The following TTN variants were observed in gnomAD, a reference collection of about 807,000 sequenced individuals.
TTN encodes the protein titin.
A neutral mutation model predicts 3,223.0 loss-of-function variants in TTN; 1,525 were observed. The observed-to-expected ratio is 0.47, with a 90% CI of 0.45 to 0.49. TTN has a LOEUF of 0.49. TTN is among the 20% of genes least tolerant of loss of function. TTN has a pLI of 0.00. For missense variants in TTN, 40,786 were observed against 43,424.0 expected, an observed-to-expected ratio of 0.94 and a Z score of 5.40; for synonymous variants, 14,094 against 15,161.0, an observed-to-expected ratio of 0.93 and a Z score of 5.17.
chr2:178,614,014 G>A (rs748134216), intron 262 of TTN, 38 bp downstream of exon 262: 22 of 1,609,364 alleles, frequency 1.4e-5, no homozygotes, highest in Non-Finnish European at 1.9e-5. Flanking sequence ...TTTGACATAA[G>A]CATCCTTTTT....
rs79926414 is a variant in TTN at position 178,565,497 on chromosome 2, G to T, written c.80635C>A (p.Gln26879Lys). The T allele has an allele frequency of 2.7e-3, 4,308 of 1,613,330 alleles. 106 individuals are homozygous for T. In the African/African-American group the frequency reaches 0.05, roughly 19 times the overall value. Residue 26879 changes from glutamine (Q) to lysine (K), a missense_variant, in exon 326 of 363, where the codon CAG (glutamine) becomes AAG (lysine). Physicochemically the swap from Gln to Lys is moderately conservative, Grantham distance 53. Transcript: ENST00000589042. Reference sequence around the variant, plus strand: ...TTAAATGGTAACTTTAAACTAGGCTGTATAGTCAAGTCCTTGGCTATGACA... The same window carrying T: ...TTAAATGGTAACTTTAAACTAGGCTTTATAGTCAAGTCCTTGGCTATGACA... Reference protein sequence around the residue: ...VPVIAKDLTIQPSLKLPFNTY... With the variant: ...VPVIAKDLTIKPSLKLPFNTY...
In TTN at chr2:178,746,718, T is replaced by C. The variant is rs780327641; in HGVS notation, c.11312-4797A>G. 17 of 1,613,372 alleles carry C rather than the reference T, an allele frequency of 1.1e-5. No homozygotes were observed. The African/African-American group carries it at 1.7e-4, about 16-fold the overall frequency. ...TTACCCACTCTTTCCATTTTGATTC[T>C]TTCATCTGGCTCTAGTAAAGATTTA... is the stretch of plus-strand genomic sequence containing the variant. On this transcript the variant is annotated intron_variant, in intron 47 of 362. Transcript: ENST00000589042.
Position 178,552,936 on chromosome 2 carries a change from A to G in TTN, c.89964T>C (p.Ser29988=), listed in dbSNP as rs1553540821. The G allele has an allele frequency of 6.2e-7, 1 of 1,613,764 alleles. No homozygotes were observed. Among genetic ancestry groups the G allele is most frequent in the Non-Finnish European group, 8.5e-7 (1 of 1,179,826 alleles). Residue 29988 remains serine (S), a synonymous_variant, in exon 335 of 363, where the codon TCT becomes TCC. Coordinates refer to ENST00000589042, the MANE Select transcript of TTN (RefSeq NM_001267550.2). ...AATCTATTAGCTTGAAGGATGTGCT[A>G]GAACATTTGTGTGACACGACAGACC... ...RTWSVVSHKC[S]STSFKLIDLS...
chr2:178,699,915 G>A (rs2154288046), intron 111 of TTN, among the ~76,000 whole-genome samples: 1 of 140,730 alleles, frequency 7.1e-6, no homozygotes, highest in Admixed American at 7.2e-5. Context: ...TTTTAGTAGA[G>A]ACGCGGTTTC....
chr2:178,534,442 C>T lies in TTN; in HGVS notation c.102173G>A (p.Arg34058Lys), dbSNP rs886039007. 8.1e-6 allele frequency: 13 copies of T among 1,612,782 alleles called. 1 individual carries two copies. Among genetic ancestry groups the T allele is most frequent in the African/African-American group, 1.3e-5 (1 of 74,928 alleles). ...CTCCGATGCTGTCATGCGAGATTTC[C>T]TCTCTTTCACTAACAACCGGTCAAC... Reference protein sequence around the residue: ...DFVDRLLVKERKSRMTASEAL... With the variant: ...DFVDRLLVKEKKSRMTASEAL... Residue 34058 changes from arginine to lysine, a missense_variant, in exon 358 of 363, where the codon AGG becomes AAG. Transcript: ENST00000589042.
Position 178,649,817 on chromosome 2 carries a change from C to A in TTN, c.39895G>T (p.Glu13299Ter), listed in dbSNP as rs758166967. The A allele has an allele frequency of 3.7e-6, 6 of 1,611,924 alleles. No individual in the cohort carries two copies. The African/African-American group carries it at 4.0e-5, about 11-fold the overall frequency. ...IKKPEAPPPK[E>*]PEMPKKVVPV... ...GAAGTATTCATTTTAACATGAGTAC[C>A]TTTAGGAGGCGGTGCTTCTGGTTTT... The change falls in exon 211 of 363, where the codon GAA (glutamate) becomes TAA (stop). Residue 13299 changes from glutamate to a stop codon, truncating the protein, a stop_gained and splice_region_variant. Coordinates refer to ENST00000589042, the MANE Select transcript of TTN (RefSeq NM_001267550.2). LOFTEE classifies it high-confidence loss of function.
chr2:178,709,898 C>A, intron 98 of TTN, 42 bp from the exon 99 acceptor site: 3 of 1,549,998 alleles, frequency 1.9e-6, no homozygotes, highest in Non-Finnish European at 1.7e-6. Flanking sequence ...AAGCTAGAAG[C>A]AGATTACTAA....
chr2:178,753,344 T>C (rs1436123814), intron 46 of TTN, 164 bp from the exon 47 acceptor site: 9 of 548,042 alleles, frequency 1.6e-5, no homozygotes, highest in Admixed American at 1.0e-4. Context: ...ATTGAGCTGA[T>C]AAAACACATG....
At chr2:178,581,368 C>T (rs2047701683) in intron 316 of TTN, 131 bp downstream of exon 316, 2 of 666,080 alleles carry the variant, frequency 3.0e-6, no homozygotes, top group Non-Finnish European at 4.5e-6. Flanking sequence ...CCCAGCTCTC[C>T]TAAAAAGTAC....
In TTN at chr2:178,527,124, G is replaced by A. The variant is rs370267738; in HGVS notation, c.107864C>T (p.Thr35955Ile). Residue 35955 changes from threonine (T) to isoleucine (I), a missense_variant, in exon 363 of 363, where the codon ACC becomes ATC. Coordinates refer to ENST00000589042, the MANE Select transcript of TTN (RefSeq NM_001267550.2). ...TTTCTGTACGTCCATGATGATCAGG[G>A]TTGTCAGGTCATCTGTGTTTTCAAT... is the stretch of plus-strand genomic sequence containing the variant. The part of the protein sequence containing the change: ...FHIENTDDLT[T>I]LIIMDVQKQD... 1 of 1,613,960 alleles carries A rather than the reference G, an allele frequency of 6.2e-7. No individual in the cohort carries two copies. The highest frequency in any genetic ancestry group is 8.5e-7 in the Non-Finnish European group (1 of 1,179,876).
Position 178,775,391 on chromosome 2 carries a change from C to G in TTN, c.6473G>C (p.Gly2158Ala). The G allele has an allele frequency of 6.8e-6, 11 of 1,614,082 alleles. No homozygotes were observed. The highest frequency in any genetic ancestry group is 9.3e-6 in the Non-Finnish European group (11 of 1,180,010). The change falls in exon 28 of 363, where the codon GGA (glycine) becomes GCA (alanine). Residue 2158 changes from glycine (G) to alanine (A), a missense_variant. Coordinates refer to ENST00000589042, the MANE Select transcript of TTN (RefSeq NM_001267550.2). ...TAAGAATGCGTGACTGGAGGTTTCT[C>G]CAGCTATGTTGATGGCTTTTACCAT... ...SIMVKAINIAGETSSHAFLLV... is the reference protein window; with the variant it reads ...SIMVKAINIAAETSSHAFLLV...
Position 178,544,470 on chromosome 2 carries a change from T to C in TTN, c.95759A>G (p.Asp31920Gly). ...CAAACTAATGCTGTGTTTGGTGGTA[T>C]CCACAACTCTTGGAGCAGAAGGTGG... ...PGPPSAPRVV[D>G]TTKHSISLAW... The change falls in exon 345 of 363, where the codon GAT becomes GGT. Residue 31920 changes from aspartate (D) to glycine (G), a missense_variant. By Grantham distance (94) the Asp-to-Gly change is moderately conservative. Coordinates refer to ENST00000589042, the MANE Select transcript of TTN (RefSeq NM_001267550.2). 1 of 1,609,292 alleles carries C rather than the reference T, an allele frequency of 6.2e-7. No individual in the cohort carries two copies. Among genetic ancestry groups the C allele is most frequent in the African/African-American group, 1.3e-5 (1 of 74,968 alleles).
chr2:178,794,358 G>T (rs1443629562), intron 8 of TTN, 41 bp downstream of exon 8: 3 of 1,612,870 alleles, frequency 1.9e-6, no homozygotes. Context: ...TGCACTGAAG[G>T]ACGTGGCTCT....
rs377114166 is a variant in TTN, at chr2:178,741,058, C to T, written c.12175G>A (p.Gly4059Ser). ...PEDFPQTPLK[G>S]PAVEALDSEQ... ...GAGTCAAGTGCTTCAACTGCGGGACCCTTTAAGGGTGTCTGTGGAAAATCC... is the reference window on the plus strand; with the variant it reads ...GAGTCAAGTGCTTCAACTGCGGGACTCTTTAAGGGTGTCTGTGGAAAATCC... Residue 4059 changes from glycine to serine, a missense_variant, in exon 48 of 363, where the codon GGT (glycine) becomes AGT (serine). Coordinates refer to ENST00000589042, the MANE Select transcript of TTN (RefSeq NM_001267550.2). 2 of 1,613,858 alleles carry T rather than the reference C, an allele frequency of 1.2e-6. No homozygotes were observed. The highest frequency in any genetic ancestry group is 1.7e-5 in the Admixed American group (1 of 60,012).
chr2:178,646,977 A>C, intron 215 of TTN, 87 bp downstream of exon 215: 1 of 441,854 alleles, frequency 2.3e-6, no homozygotes, highest in Non-Finnish European at 3.6e-6. Context: ...AATTTCAAGA[A>C]GGAATATTGT....
chr2:178,712,251 C>A, intron 95 of TTN, 29 bp from the exon 96 acceptor site: 4 of 1,609,764 alleles, frequency 2.5e-6, no homozygotes, highest in South Asian at 1.1e-5. Flanking sequence ...ATCAATCAGT[C>A]ATGAAGGAGA....
At position 178,741,734 on chromosome 2, in the gene TTN, C is replaced by T. The variant is rs756868500; in HGVS notation, c.11499G>A (p.Met3833Ile). 5.0e-6 allele frequency: 8 copies of T among 1,613,562 alleles called. No individual in the cohort carries two copies. The Admixed American group carries it at 1.2e-4, about 24-fold the overall frequency. ...TTACAGACAGTGTAGCCACATCCCC[C>T]ATGCTTATATCAGCATTTGACACTT... Reference protein sequence around the residue: ...IKEVSNADISMGDVATLSVTV... With the variant: ...IKEVSNADISIGDVATLSVTV... Residue 3833 changes from methionine to isoleucine, a missense_variant, in exon 48 of 363, where the codon ATG (methionine) becomes ATA (isoleucine). Met to Ile is a conservative substitution (Grantham distance 10). Coordinates refer to ENST00000589042, the MANE Select transcript of TTN (RefSeq NM_001267550.2).
Position 178,773,193 on chromosome 2 carries a change from C to T in TTN, c.7771G>A (p.Val2591Ile). 1.2e-6 allele frequency: 2 copies of T among 1,613,662 alleles called. No individual in the cohort carries two copies. Among genetic ancestry groups the T allele is most frequent in the Non-Finnish European group, 1.7e-6 (2 of 1,179,836 alleles). The change falls in exon 33 of 363, where the codon GTT becomes ATT. Residue 2591 changes from valine (V) to isoleucine (I), a missense_variant. Val to Ile is a conservative substitution (Grantham distance 29). Coordinates refer to ENST00000589042, the MANE Select transcript of TTN (RefSeq NM_001267550.2). ...EAHGKIYKLT[V>I]LNMMKDDEGK... ...TCATCATCTTTCATCATATTTAGAA[C>T]TGTCAATTTATATATTTTTCCATGT... is the stretch of plus-strand genomic sequence containing the variant.
chr2:178,540,420 A>G (rs1371124178), intron 350 of TTN, 50 bp from the exon 351 acceptor site: 3 of 1,451,480 alleles, frequency 2.1e-6, no homozygotes, highest in South Asian at 2.6e-5. Flanking sequence ...CAAAGTTGAA[A>G]ATTAGCTGTG....
Sources: allele counts gnomAD v4.1 joint callset (sites outside exome capture counted in the v4.1 genomes callset), GRCh38; gene constraint gnomAD v4.1.1; transcripts MANE v1.5; gene names NCBI Gene and HGNC (gene_info 2026-07-23, HGNC 2026-07-21).